KIF6: variants seen among roughly 807,000 people sequenced by gnomAD.
KIF6 encodes the protein kinesin family member 6.
KIF6 carries 106 observed loss-of-function variants against 112.7 expected under a neutral mutation model. The observed-to-expected ratio is 0.94, with a 90% CI of 0.80 to 1.11. KIF6 has a LOEUF of 1.11. KIF6 is among the 50% of genes least tolerant of loss of function. The pLI, the probability that KIF6 is intolerant of heterozygous loss-of-function variation, is 0.00. For missense variants in KIF6, 929 were observed against 964.0 expected (o/e 0.96, Z 0.48); for synonymous variants, 339 against 339.9 (o/e 1.00, Z 0.03).
chr6:39,360,290 C>T, intron 18 of KIF6, 105 bp downstream of exon 18: 1 of 1,327,544 alleles, frequency 7.5e-7, no homozygotes, highest in Non-Finnish European at 1.0e-6. Context: ...GGGGCTGAGA[C>T]CATGGGGGCC....
chr6:39,465,477 G>A (rs562006352), intron 13 of KIF6, among the ~76,000 whole-genome samples: 3 of 152,166 alleles, frequency 2.0e-5, no homozygotes, highest in South Asian at 4.2e-4. Flanking sequence ...TCTGGACCTC[G>A]CCTATCCTTC....
intron 3 of KIF6, among the ~76,000 whole-genome samples, chr6:39,713,560 G>A (rs1010420345): frequency 6.6e-6 from 1 of 152,034 alleles, no homozygotes; most frequent in African/African-American, 2.4e-5. Flanking sequence ...AGAAACTTAA[G>A]GTTCCCTTCC....
chr6:39,467,080 C>T (rs1773837958), intron 13 of KIF6, among the ~76,000 whole-genome samples: 1 of 152,162 alleles, frequency 6.6e-6, no homozygotes, highest in African/African-American at 2.4e-5. Context: ...ATAGCTTTCC[C>T]CAAGGAACTG....
chr6:39,491,763 G>A (rs1316347404), intron 13 of KIF6, among the ~76,000 whole-genome samples: 1 of 152,124 alleles, frequency 6.6e-6, no homozygotes, highest in Non-Finnish European at 1.5e-5. Context: ...TGAGCTGGAG[G>A]GAAGGAAACT....
rs1762904679 is a variant in KIF6 at position 39,336,174 on chromosome 6, A to G, written c.*358T>C. 4.7e-6 allele frequency: 1 copy of G among 210,538 alleles called. No homozygotes were observed. Among genetic ancestry groups the G allele is most frequent in the Non-Finnish European group, 9.4e-6 (1 of 106,472 alleles). The allele number at this position is 210,538 out of a possible 1,614,324, so 13.0% of individuals were successfully genotyped here. A position where few individuals can be genotyped will look rare whatever the true frequency, so the allele number is the denominator to read the frequency against. ...TCCACTGGTGTGAGCATCCTCTGAC[A>G]TTATATTTTGATGGTGCTATTTCAC... is the stretch of plus-strand genomic sequence containing the variant. On this transcript the variant is annotated 3_prime_UTR_variant, in exon 23 of 23. Transcript: ENST00000287152.
intron 13 of KIF6, among the ~76,000 whole-genome samples, chr6:39,463,071 A>T (rs1446200162): frequency 2.0e-5 from 3 of 152,154 alleles, no homozygotes; most frequent in Admixed American, 6.5e-5. Flanking sequence ...ATTTAACTAC[A>T]CTGAGTTAAA....
At chr6:39,486,453 G>A (rs767048444) in intron 13 of KIF6, among the ~76,000 whole-genome samples, 7 of 152,172 alleles carry the variant, frequency 4.6e-5, no homozygotes, top group African/African-American at 1.2e-4. Flanking sequence ...TGGATGTCAC[G>A]TGGAGCCTAA....
At chr6:39,620,882 C>T (rs986964741) in intron 5 of KIF6, among the ~76,000 whole-genome samples, 11 of 152,094 alleles carry the variant, frequency 7.2e-5, no homozygotes, top group African/African-American at 2.4e-4. Flanking sequence ...GATTCTCCTG[C>T]CTCAGTCTCC....
chr6:39,580,465 T>G (rs1027734575), intron 9 of KIF6, among the ~76,000 whole-genome samples: 2 of 152,086 alleles, frequency 1.3e-5, no homozygotes, highest in Admixed American at 6.5e-5. Flanking sequence ...AATTCTTATA[T>G]ATCTTATTTC....
intron 10 of KIF6, among the ~76,000 whole-genome samples, chr6:39,555,953 C>CAAAAAAAAAAAAAAAAAA: frequency 1.3e-5 from 1 of 77,720 alleles, no homozygotes; most frequent in Non-Finnish European, 2.5e-5. Flanking sequence ...GACGCTGTCT[C>CAAAAAAAAAAAAAAAAAA]AAAAAAAAAA....
chr6:39,553,894 C>A, intron 10 of KIF6: 2 of 154,068 alleles, frequency 1.3e-5, no homozygotes, highest in South Asian at 3.7e-4. Context: ...CTCTCACCAC[C>A]AAGCTCCCAC....
chr6:39,393,931 A>G (rs1433596174), intron 15 of KIF6, among the ~76,000 whole-genome samples: 1 of 152,178 alleles, frequency 6.6e-6, no homozygotes. Flanking sequence ...GAATCAGAGA[A>G]AAGAATGGGG....
intron 15 of KIF6, among the ~76,000 whole-genome samples, chr6:39,388,435 G>T (rs1028592702): frequency 6.6e-6 from 1 of 152,112 alleles, no homozygotes; most frequent in Non-Finnish European, 1.5e-5. Context: ...AACAAAAGGT[G>T]GGTCTTTATA....
intron 2 of KIF6, chr6:39,718,606 G>A (rs986188093): frequency 2.0e-4 from 31 of 151,600 alleles, no homozygotes; most frequent in African/African-American, 7.3e-4. Context: ...TTAGCTGGAT[G>A]TGGTGGTGCA....
intron 7 of KIF6, among the ~76,000 whole-genome samples, chr6:39,586,976 A>T (rs1781670452): frequency 6.6e-6 from 1 of 152,224 alleles, no homozygotes; most frequent in African/African-American, 2.4e-5. Flanking sequence ...TAAAATGTGC[A>T]AATTATTTTG....
intron 3 of KIF6, among the ~76,000 whole-genome samples, chr6:39,650,822 A>G (rs1350560329): frequency 2.0e-5 from 3 of 152,162 alleles, no homozygotes; most frequent in Admixed American, 6.5e-5. Context: ...GAAAATAGAA[A>G]ATACTTTTTC....
intron 13 of KIF6, among the ~76,000 whole-genome samples, chr6:39,441,790 G>A (rs1190583104): frequency 6.6e-6 from 1 of 152,210 alleles, no homozygotes; most frequent in East Asian, 1.9e-4. Flanking sequence ...TGAGGTTAAA[G>A]GGCTATGTTC....
intron 10 of KIF6, among the ~76,000 whole-genome samples, chr6:39,575,768 T>C (rs1780931021): frequency 6.6e-6 from 1 of 152,154 alleles, no homozygotes; most frequent in Non-Finnish European, 1.5e-5. Context: ...CAAATGCTCA[T>C]TGGCTGTTCC....
rs1372758983 is a variant in KIF6, at chr6:39,591,032, C to T, written c.847-4628G>A. Among the ~76,000 whole-genome samples the T allele has an allele frequency of 2.0e-5, 3 of 152,190 alleles. 1 individual carries two copies. Among genetic ancestry groups the T allele is most frequent in the Non-Finnish European group, 4.4e-5 (3 of 68,044 alleles). On this transcript the variant is annotated intron_variant, in intron 7 of 22. Transcript: ENST00000287152. The stretch of plus-strand genomic sequence containing the variant: ...CCCTGATGTTATATACTTCCTTATT[C>T]ATAACTTAGGTGAGAAAGAATTCTT...
Sources: gnomAD v4.1 joint callset for allele counts (sites outside exome capture counted in the v4.1 genomes callset) on GRCh38, gnomAD v4.1.1 for gene constraint, MANE v1.5 for transcripts, NCBI Gene and HGNC (gene_info 2026-07-23, HGNC 2026-07-21) for gene names.